The following ZNF385D variants were observed in gnomAD, a reference collection of about 807,000 sequenced individuals.
ZNF385D encodes zinc finger protein 659.
In ZNF385D, 15 loss-of-function variants were observed where a neutral mutation model predicts 35.8. The observed-to-expected ratio is 0.42, with a 90% CI of 0.28 to 0.64. ZNF385D has a LOEUF of 0.64. Among genes scored for constraint, ZNF385D ranks in the 30% least tolerant of loss-of-function variants. The pLI is 0.23. For synonymous variants in ZNF385D, 212 were observed against 186.8 expected (o/e 1.13, Z -1.10); for missense variants, 474 against 494.6 (o/e 0.96, Z 0.39).
intron 2 of ZNF385D, among the ~76,000 whole-genome samples, chr3:22,228,071 G>A (rs1439384597): frequency 3.9e-5 from 6 of 152,158 alleles, no homozygotes; most frequent in South Asian, 2.1e-4. Flanking sequence ...TGAAGACAGC[G>A]GAGACGGTGG....
intron 3 of ZNF385D, among the ~76,000 whole-genome samples, chr3:21,978,000 A>C (rs768516210): frequency 1.3e-5 from 2 of 152,220 alleles, no homozygotes; most frequent in African/African-American, 4.8e-5. Flanking sequence ...TAGCCAAAGG[A>C]AAGAACTAGA....
intron 3 of ZNF385D, among the ~76,000 whole-genome samples, chr3:21,770,407 C>G (rs1036010304): frequency 6.6e-6 from 1 of 152,078 alleles, no homozygotes; most frequent in East Asian, 1.9e-4. Flanking sequence ...AAACAAGGAA[C>G]CCCATCAAAA....
chr3:21,768,117 A>C (rs544212129), intron 3 of ZNF385D, among the ~76,000 whole-genome samples: 45 of 152,090 alleles, frequency 3.0e-4, no homozygotes, highest in Non-Finnish European at 5.6e-4. Context: ...AGAGACACAA[A>C]TGAATGCACT....
chr3:21,990,622 TAACTC>T (rs1197835228), intron 3 of ZNF385D, among the ~76,000 whole-genome samples: 2 of 152,222 alleles, frequency 1.3e-5, no homozygotes, highest in Non-Finnish European at 2.9e-5. Context: ...CTCTAAATAA[TAACTC>T]TATCTGGCAC....
At chr3:21,505,502 C>G (rs1354905606) in intron 4 of ZNF385D, among the ~76,000 whole-genome samples, 1 of 152,142 alleles carries the variant, frequency 6.6e-6, no homozygotes, top group Non-Finnish European at 1.5e-5. Context: ...ACTATCACAA[C>G]ATTTTTCTTT....
At chr3:21,588,868 T>C (rs925054031) in intron 2 of ZNF385D, among the ~76,000 whole-genome samples, 1 of 152,180 alleles carries the variant, frequency 6.6e-6, no homozygotes, top group Non-Finnish European at 1.5e-5. Context: ...CCAACAGATC[T>C]GAAGCCTACA....
chr3:21,814,425 T>C (rs2125715323), intron 3 of ZNF385D, among the ~76,000 whole-genome samples: 1 of 152,260 alleles, frequency 6.6e-6, no homozygotes. Context: ...CAGTGTGCTG[T>C]ATTCAGGAGA....
At chr3:21,987,351 T>G (rs914061288) in intron 3 of ZNF385D, among the ~76,000 whole-genome samples, 6 of 125,088 alleles carry the variant, frequency 4.8e-5, no homozygotes, top group Non-Finnish European at 7.8e-5. Context: ...GGAGCTCTTT[T>G]AGGGCAGGTC....
At chr3:21,983,951 C>T (rs915551159) in intron 3 of ZNF385D, among the ~76,000 whole-genome samples, 4 of 136,750 alleles carry the variant, frequency 2.9e-5, no homozygotes, top group Non-Finnish European at 6.1e-5. Flanking sequence ...TTTTTGGCTG[C>T]ATAAATGTCT....
intron 2 of ZNF385D, among the ~76,000 whole-genome samples, chr3:21,652,245 C>T (rs1034972369): frequency 6.6e-6 from 1 of 152,068 alleles, no homozygotes; most frequent in African/African-American, 2.4e-5. Flanking sequence ...AATGCATCAA[C>T]CTTTCTACCT....
rs149016867 is a variant in ZNF385D, at chr3:21,687,945, A to C, written c.23-22917T>G. ...GTCTTGATCTGTCACCCAGGCTTGGAATGCAGTAGCACGGTCACAGCTTAC... is the reference window on the plus strand; with the variant it reads ...GTCTTGATCTGTCACCCAGGCTTGGCATGCAGTAGCACGGTCACAGCTTAC... On this transcript the variant is annotated intron_variant, in intron 1 of 7. Coordinates refer to ENST00000281523, the MANE Select transcript of ZNF385D (RefSeq NM_024697.3). Among the ~76,000 whole-genome samples the C allele has an allele frequency of 4.2e-4, 64 of 152,170 alleles. No individual in the cohort carries two copies. In the East Asian group the frequency reaches 0.012, roughly 28 times the overall value.
intron 3 of ZNF385D, among the ~76,000 whole-genome samples, chr3:21,898,190 G>T (rs144882111): frequency 1.3e-3 from 194 of 152,194 alleles, no homozygotes; most frequent in African/African-American, 4.3e-3. Context: ...GCACAATAAG[G>T]AGATAAAATT....
At chr3:22,307,903 A>G (rs966312242) in intron 2 of ZNF385D, among the ~76,000 whole-genome samples, 9 of 152,120 alleles carry the variant, frequency 5.9e-5, no homozygotes, top group African/African-American at 2.2e-4. Context: ...TCTAAGGGGA[A>G]ATTTATAAAA....
At chr3:21,773,281 T>G (rs878891729) in intron 3 of ZNF385D, among the ~76,000 whole-genome samples, 1 of 151,902 alleles carries the variant, frequency 6.6e-6, no homozygotes, top group Admixed American at 6.6e-5. Flanking sequence ...ATTTTGTGCT[T>G]TTATACCTGG....
intron 2 of ZNF385D, among the ~76,000 whole-genome samples, chr3:21,611,875 G>A (rs1200436065): frequency 6.6e-6 from 1 of 151,722 alleles, no homozygotes; most frequent in Admixed American, 6.6e-5. Flanking sequence ...AGACAGGCTT[G>A]CACAAATTCA....
Position 22,314,169 on chromosome 3 carries a change from A to G in ZNF385D, c.106+58281T>C, listed in dbSNP as rs540126098. Among the ~76,000 whole-genome samples the G allele has an allele frequency of 5.9e-5, 9 of 152,210 alleles. No homozygotes were observed. In the East Asian group the frequency reaches 1.7e-3, roughly 29 times the overall value. On this transcript the variant is annotated intron_variant, in intron 2 of 5. Transcript: ENST00000494108. ...TTTGGAGAACAGGTGGCAGTTGGTT[A>G]TATGAGTAAGTTCTTTGATGGTGAT...
At chr3:21,998,484 C>A (rs1469603164) in intron 3 of ZNF385D, among the ~76,000 whole-genome samples, 1 of 152,190 alleles carries the variant, frequency 6.6e-6, no homozygotes. Flanking sequence ...TAAATGTAGA[C>A]ATCAGCCACA....
chr3:21,736,304 A>G (rs983098397), intron 1 of ZNF385D, among the ~76,000 whole-genome samples: 5 of 152,168 alleles, frequency 3.3e-5, no homozygotes, highest in African/African-American at 1.2e-4. Context: ...TTTTTACCAT[A>G]AAGACATGCT....
intron 2 of ZNF385D, among the ~76,000 whole-genome samples, chr3:22,227,013 A>C (rs938320632): frequency 2.0e-5 from 3 of 152,208 alleles, no homozygotes; most frequent in Non-Finnish European, 4.4e-5. Context: ...AAGCACATGC[A>C]TTCAGCATAT....
Sources: allele counts gnomAD v4.1 joint callset (sites outside exome capture counted in the v4.1 genomes callset), GRCh38; gene constraint gnomAD v4.1.1; transcripts MANE v1.5; gene names NCBI Gene and HGNC (gene_info 2026-07-23, HGNC 2026-07-21).